STXBP5L: variants seen among roughly 807,000 people sequenced by gnomAD.
The protein encoded by STXBP5L is syntaxin-binding protein 5-like.
In STXBP5L, 65 loss-of-function variants were observed where a neutral mutation model predicts 144.5. The observed-to-expected ratio is 0.45, with a 90% CI of 0.37 to 0.55. STXBP5L has a LOEUF of 0.55. Ranked by LOEUF, STXBP5L falls within the 20% of genes least tolerant of loss-of-function variation. The pLI, the probability that STXBP5L is intolerant of heterozygous loss-of-function variation, is 0.00. For missense variants in STXBP5L, 1,298 were observed against 1,405.5 expected (o/e 0.92, Z 1.22); for synonymous variants, 505 against 469.6 (o/e 1.08, Z -0.97).
At chr3:120,994,654 CT>C (rs1417897464) in intron 3 of STXBP5L, among the ~76,000 whole-genome samples, 1 of 152,076 alleles carries the variant, frequency 6.6e-6, no homozygotes, top group Non-Finnish European at 1.5e-5. Flanking sequence ...GCTATATTAT[CT>C]TTCTGATGTG....
At chr3:121,000,475 T>C (rs1943682284) in intron 3 of STXBP5L, among the ~76,000 whole-genome samples, 1 of 152,304 alleles carries the variant, frequency 6.6e-6, no homozygotes, top group East Asian at 1.9e-4. Context: ...TTAGGTTCTT[T>C]CTTAAATGGC....
intron 11 of STXBP5L, among the ~76,000 whole-genome samples, chr3:121,228,549 A>G (rs745752995): frequency 1.3e-5 from 2 of 152,228 alleles, no homozygotes; most frequent in African/African-American, 2.4e-5. Context: ...CAGAATTAAA[A>G]ATCAAAACCT....
At chr3:121,032,192 GA>G (rs1328942854) in intron 3 of STXBP5L, among the ~76,000 whole-genome samples, 1 of 150,018 alleles carries the variant, frequency 6.7e-6, no homozygotes, top group Non-Finnish European at 1.5e-5. Flanking sequence ...AAGAATGTAG[GA>G]AAATATATAA....
Position 121,114,784 on chromosome 3 carries a change from A to G in STXBP5L, c.471-141A>G, listed in dbSNP as rs2044158281. On this transcript the variant is annotated intron_variant, in intron 5 of 26. Coordinates refer to ENST00000471454, the MANE Select transcript of STXBP5L (RefSeq NM_001308330.2). ...TAATATTATTTATCCTATACTCTCA[A>G]TGAATAACTACATGCTATACTTGAG... 1.9e-5 allele frequency: 9 copies of G among 470,722 alleles called. No homozygotes were observed. The South Asian group carries it at 4.2e-4, about 22-fold the overall frequency. 29.2% of individuals were successfully genotyped at this position (470,722 alleles called of 1,614,324 possible). A position where few individuals can be genotyped will look rare whatever the true frequency, so the allele number is the denominator to read the frequency against.
At chr3:121,005,901 A>G (rs915585839) in intron 3 of STXBP5L, among the ~76,000 whole-genome samples, 16 of 152,106 alleles carry the variant, frequency 1.1e-4, no homozygotes, top group Non-Finnish European at 2.2e-4. Context: ...GTTTGATTGC[A>G]CTGTGGTCTG....
chr3:121,023,054 T>C (rs1318840562), intron 3 of STXBP5L, among the ~76,000 whole-genome samples: 1 of 152,022 alleles, frequency 6.6e-6, no homozygotes, highest in Non-Finnish European at 1.5e-5. Context: ...CAGCAAAGTT[T>C]CAAGATACAA....
At chr3:121,092,371 A>T (rs1242592767) in intron 5 of STXBP5L, among the ~76,000 whole-genome samples, 1 of 152,030 alleles carries the variant, frequency 6.6e-6, no homozygotes, top group East Asian at 1.9e-4. Flanking sequence ...CAGTATGGCC[A>T]TTTTCACGAT....
chr3:121,394,910 AT>A (rs2046690638), intron 22 of STXBP5L, among the ~76,000 whole-genome samples: 1 of 152,198 alleles, frequency 6.6e-6, no homozygotes, highest in East Asian at 1.9e-4. Context: ...GGATTTTTAG[AT>A]TTTTAAAATT....
intron 5 of STXBP5L, among the ~76,000 whole-genome samples, chr3:121,094,153 C>T (rs565195239): frequency 0.083 from 12,657 of 152,114 alleles, 658 homozygotes; most frequent in Admixed American, 0.12. Flanking sequence ...GTTATAATTT[C>T]TGTTCTTTTA....
chr3:121,137,472 G>A (rs183544772), intron 7 of STXBP5L, among the ~76,000 whole-genome samples: 31 of 152,150 alleles, frequency 2.0e-4, no homozygotes, highest in Admixed American at 3.3e-4. Context: ...ACCAGGTAAG[G>A]ACATAATAAA....
intron 9 of STXBP5L, among the ~76,000 whole-genome samples, chr3:121,200,196 C>T (rs925193586): frequency 5.9e-5 from 9 of 152,048 alleles, no homozygotes; most frequent in African/African-American, 2.2e-4. Flanking sequence ...TAACTTCTTC[C>T]TGTTTTAGTC....
At chr3:121,378,471 T>G (rs545138769) in intron 20 of STXBP5L, among the ~76,000 whole-genome samples, 9 of 152,184 alleles carry the variant, frequency 5.9e-5, no homozygotes, top group Non-Finnish European at 1.3e-4. Context: ...GAACCAATTT[T>G]AATCTATGTT....
intron 2 of STXBP5L, among the ~76,000 whole-genome samples, chr3:120,946,541 G>T (rs1710865224): frequency 6.6e-6 from 1 of 151,648 alleles, no homozygotes; most frequent in South Asian, 2.1e-4. Context: ...GTTATCTGCT[G>T]AACTAAAACT....
chr3:121,034,094 G>T (rs1946579591), intron 3 of STXBP5L, among the ~76,000 whole-genome samples: 1 of 151,984 alleles, frequency 6.6e-6, no homozygotes, highest in African/African-American at 2.4e-5. Context: ...GCAAATGGAG[G>T]TTAGTGATAT....
intron 19 of STXBP5L, among the ~76,000 whole-genome samples, chr3:121,287,546 A>G (rs548055874): frequency 6.6e-6 from 1 of 152,270 alleles, no homozygotes; most frequent in East Asian, 1.9e-4. Flanking sequence ...CCACACATTG[A>G]TGGGCCGGGC....
intron 22 of STXBP5L, among the ~76,000 whole-genome samples, chr3:121,386,671 T>C (rs540086445): frequency 4.2e-4 from 64 of 152,220 alleles, no homozygotes; most frequent in Non-Finnish European, 6.9e-4. Flanking sequence ...TCTGTCCTTG[T>C]GTGATAGTTT....
intron 9 of STXBP5L, among the ~76,000 whole-genome samples, chr3:121,177,553 G>T (rs1051120622): frequency 1.3e-5 from 2 of 152,004 alleles, no homozygotes; most frequent in Admixed American, 6.6e-5. Flanking sequence ...AATTAAAACC[G>T]TAATGAAAAT....
At chr3:120,989,283 C>G (rs1180860331) in intron 3 of STXBP5L, among the ~76,000 whole-genome samples, 1 of 152,106 alleles carries the variant, frequency 6.6e-6, no homozygotes, top group African/African-American at 2.4e-5. Context: ...TCTGTGCATC[C>G]TCATCAATAT....
chr3:121,012,718 C>G (rs1576659818), intron 3 of STXBP5L, among the ~76,000 whole-genome samples: 1 of 151,712 alleles, frequency 6.6e-6, no homozygotes, highest in Non-Finnish European at 1.5e-5. Flanking sequence ...GATACATGTG[C>G]ATGTGCAGGT....
Sources: allele counts gnomAD v4.1 joint callset (sites outside exome capture counted in the v4.1 genomes callset), GRCh38; gene constraint gnomAD v4.1.1; transcripts MANE v1.5; gene names NCBI Gene and HGNC (gene_info 2026-07-23, HGNC 2026-07-21).